BTBD9: variants seen among roughly 807,000 people sequenced by gnomAD.
BTBD9 encodes the protein BTB/POZ domain-containing protein 9.
Under a neutral mutation model 64.3 loss-of-function variants are expected in BTBD9, and 49 were observed. The ratio of observed to expected loss-of-function variants is 0.76; its 90% CI spans 0.61 to 0.97. BTBD9 has a LOEUF of 0.97. Among genes scored for constraint, BTBD9 ranks in the 50% least tolerant of loss-of-function variants. The probability of loss-of-function intolerance (pLI) is 0.00; values close to 1 mark genes in which losing one functional copy is unlikely to be tolerated. For missense variants in BTBD9, 598 were observed against 762.1 expected, an observed-to-expected ratio of 0.78 and a Z score of 2.53; for synonymous variants, 260 against 274.7, an observed-to-expected ratio of 0.95 and a Z score of 0.53.
intron 6 of BTBD9, among the ~76,000 whole-genome samples, chr6:38,438,419 C>T (rs1768855205): frequency 6.6e-6 from 1 of 152,104 alleles, no homozygotes; most frequent in Non-Finnish European, 1.5e-5. Context: ...TTTTTCAGAA[C>T]TAAGATGGCA....
At chr6:38,482,581 T>C (rs1045058232) in intron 6 of BTBD9, 1 of 152,310 alleles carries the variant, frequency 6.6e-6, no homozygotes, top group Non-Finnish European at 1.5e-5. Flanking sequence ...AGCTGTTATA[T>C]GAGTCCTTTC....
At chr6:38,245,680 A>T in intron 9 of BTBD9, among the ~76,000 whole-genome samples, 1 of 152,120 alleles carries the variant, frequency 6.6e-6, no homozygotes, top group Non-Finnish European at 1.5e-5. Context: ...ATAGTAAGTA[A>T]ACTCATGGGA....
chr6:38,502,336 T>C (rs1772247357), intron 6 of BTBD9, among the ~76,000 whole-genome samples: 1 of 152,248 alleles, frequency 6.6e-6, no homozygotes, highest in Non-Finnish European at 1.5e-5. Context: ...ACATTTTTTT[T>C]CCATGGTGTA....
chr6:38,510,481 A>AG (rs1772727635), intron 6 of BTBD9, among the ~76,000 whole-genome samples: 1 of 152,202 alleles, frequency 6.6e-6, no homozygotes, highest in African/African-American at 2.4e-5. Flanking sequence ...GACTTTATAA[A>AG]TACTGTGCAC....
At chr6:38,239,438 CAAAAAAAAAA>C in intron 9 of BTBD9, among the ~76,000 whole-genome samples, 1 of 59,060 alleles carries the variant, frequency 1.7e-5, no homozygotes, top group South Asian at 5.9e-4. Context: ...GACTCTGTCT[CAAAAAAAAAA>C]AAAAAAAAAA....
At chr6:38,475,963 C>T (rs1770857682) in intron 6 of BTBD9, among the ~76,000 whole-genome samples, 1 of 152,100 alleles carries the variant, frequency 6.6e-6, no homozygotes, top group East Asian at 1.9e-4. Context: ...TGGCAGCTCC[C>T]TCCAAGAGCT....
At chr6:38,639,516 A>T (rs527332031) in intron 1 of BTBD9, among the ~76,000 whole-genome samples, 1 of 152,124 alleles carries the variant, frequency 6.6e-6, no homozygotes, top group African/African-American at 2.4e-5. Flanking sequence ...GCTGCCCCTG[A>T]TTCGAACTCC....
chr6:38,309,197 C>T (rs1348527113), intron 7 of BTBD9, among the ~76,000 whole-genome samples: 1 of 151,266 alleles, frequency 6.6e-6, no homozygotes, highest in Admixed American at 6.6e-5. Context: ...TGGTGAAACC[C>T]TGTCTCTACT....
chr6:38,300,902 T>C (rs1762369244), intron 7 of BTBD9, among the ~76,000 whole-genome samples: 1 of 152,234 alleles, frequency 6.6e-6, no homozygotes, highest in Non-Finnish European at 1.5e-5. Context: ...CTATGTTGAA[T>C]AGGAGTGGTG....
At chr6:38,534,039 T>C (rs1274849320) in intron 6 of BTBD9, among the ~76,000 whole-genome samples, 1 of 151,242 alleles carries the variant, frequency 6.6e-6, no homozygotes, top group East Asian at 1.9e-4. Flanking sequence ...AGAGCAGAAA[T>C]AAATGAAACT....
At chr6:38,181,327 C>G (rs1761544762) in intron 10 of BTBD9, among the ~76,000 whole-genome samples, 1 of 152,234 alleles carries the variant, frequency 6.6e-6, no homozygotes, top group South Asian at 2.1e-4. Context: ...AAGTTTTCAA[C>G]TTACAAATAC....
At chr6:38,189,317 C>T (rs949219180) in intron 10 of BTBD9, among the ~76,000 whole-genome samples, 10 of 152,146 alleles carry the variant, frequency 6.6e-5, no homozygotes, top group South Asian at 2.1e-4. Flanking sequence ...GATGTGACCC[C>T]GTCCCTCACG....
intron 9 of BTBD9, among the ~76,000 whole-genome samples, chr6:38,229,025 C>G (rs957071822): frequency 6.6e-6 from 1 of 151,914 alleles, no homozygotes; most frequent in African/African-American, 2.4e-5. Context: ...AGTGAAACCC[C>G]GTCTCTACTA....
intron 8 of BTBD9, among the ~76,000 whole-genome samples, chr6:38,273,409 C>T (rs554182961): frequency 6.6e-6 from 1 of 152,278 alleles, no homozygotes; most frequent in South Asian, 2.1e-4. Flanking sequence ...GGTCCAGCTG[C>T]ACATGTCAGA....
chr6:38,276,963 G>A (rs1427728476), intron 8 of BTBD9, among the ~76,000 whole-genome samples: 1 of 152,090 alleles, frequency 6.6e-6, no homozygotes, highest in Non-Finnish European at 1.5e-5. Flanking sequence ...ACTCTGTTTT[G>A]GTTGATCAAA....
chr6:38,417,975 G>C (rs1263282481), intron 6 of BTBD9, among the ~76,000 whole-genome samples: 2 of 152,132 alleles, frequency 1.3e-5, no homozygotes, highest in African/African-American at 4.8e-5. Context: ...CCTTTTAAAA[G>C]TCATTCATTT....
intron 1 of BTBD9, among the ~76,000 whole-genome samples, chr6:38,617,002 C>A (rs893535332): frequency 2.0e-5 from 3 of 152,158 alleles, no homozygotes; most frequent in African/African-American, 7.2e-5. Flanking sequence ...TATCGGACCC[C>A]TTTCGCTTGC....
chr6:38,367,681 G>C (rs1351228956), intron 6 of BTBD9, among the ~76,000 whole-genome samples: 1 of 151,862 alleles, frequency 6.6e-6, no homozygotes, highest in African/African-American at 2.4e-5. Context: ...TCAATGGGCA[G>C]ATAGGGTAAC....
intron 1 of BTBD9, among the ~76,000 whole-genome samples, chr6:38,616,228 A>G (rs944475737): frequency 6.6e-6 from 1 of 152,108 alleles, no homozygotes; most frequent in South Asian, 2.1e-4. Flanking sequence ...CCAACCACTG[A>G]GCTTAATAGA....
Sources: allele counts gnomAD v4.1 joint callset (sites outside exome capture counted in the v4.1 genomes callset), GRCh38; gene constraint gnomAD v4.1.1; transcripts MANE v1.5; gene names NCBI Gene and HGNC (gene_info 2026-07-23, HGNC 2026-07-21).